Variants in ARHGAP28 observed in about 807,000 individuals in gnomAD.
ARHGAP28 encodes the protein Rho GTPase activating protein 28, also known as rho GTPase-activating protein 28.
In ARHGAP28, 56 loss-of-function variants were observed where a neutral mutation model predicts 90.7. The ratio of observed to expected loss-of-function variants is 0.62; its 90% CI spans 0.50 to 0.77. The LOEUF is 0.77. ARHGAP28 is among the 30% of genes least tolerant of loss of function. The pLI is 0.00. For missense variants in ARHGAP28, 869 were observed against 900.9 expected (o/e 0.96, Z 0.45); for synonymous variants, 308 against 323.3 (o/e 0.95, Z 0.51).
intron 1 of ARHGAP28, among the ~76,000 whole-genome samples, chr18:6,771,274 G>C (rs1232153593): frequency 1.3e-5 from 2 of 152,080 alleles, no homozygotes; most frequent in East Asian, 3.9e-4. Context: ...AAACTCTTGA[G>C]TTCAATTAAA....
At chr18:6,904,958 G>A (rs2057357431) in intron 16 of ARHGAP28, among the ~76,000 whole-genome samples, 1 of 152,074 alleles carries the variant, frequency 6.6e-6, no homozygotes, top group South Asian at 2.1e-4. Context: ...TCCAAGCCCA[G>A]ATGGTTTCAC....
intron 15 of ARHGAP28, among the ~76,000 whole-genome samples, chr18:6,895,780 G>T (rs1415418443): frequency 6.6e-6 from 1 of 152,134 alleles, no homozygotes; most frequent in Non-Finnish European, 1.5e-5. Context: ...ACGTTTCGAG[G>T]TATTGGGGGG....
chr18:6,747,966 A>G (rs2143232873), intron 1 of ARHGAP28, among the ~76,000 whole-genome samples: 1 of 152,330 alleles, frequency 6.6e-6, no homozygotes, highest in East Asian at 1.9e-4. Context: ...CACTAATGAA[A>G]CACTGGCTTG....
At chr18:6,868,966 C>G (rs1206185033) in intron 6 of ARHGAP28, among the ~76,000 whole-genome samples, 1 of 151,870 alleles carries the variant, frequency 6.6e-6, no homozygotes, top group Non-Finnish European at 1.5e-5. Flanking sequence ...CTCAATAAAG[C>G]TGATAAGAAA....
At chr18:6,848,633 A>G (rs1374992491) in intron 3 of ARHGAP28, among the ~76,000 whole-genome samples, 1 of 152,212 alleles carries the variant, frequency 6.6e-6, no homozygotes, top group Non-Finnish European at 1.5e-5. Flanking sequence ...ATGATTTTAC[A>G]TCGGCCAAAG....
At chr18:6,861,399 C>A (rs2056997413) in intron 5 of ARHGAP28, among the ~76,000 whole-genome samples, 1 of 152,200 alleles carries the variant, frequency 6.6e-6, no homozygotes, top group Non-Finnish European at 1.5e-5. Context: ...CAGACTTTAG[C>A]TTTATTCCCT....
intron 1 of ARHGAP28, among the ~76,000 whole-genome samples, chr18:6,748,241 T>C (rs1191459639): frequency 6.6e-6 from 1 of 152,214 alleles, no homozygotes; most frequent in East Asian, 1.9e-4. Flanking sequence ...AACGAACCAG[T>C]TACTGCATCA....
In ARHGAP28 at chr18:6,898,290, G is replaced by GT. The variant is rs956407510; in HGVS notation, c.2030+1672dup. On this transcript the variant is annotated intron_variant, in intron 16 of 17. Transcript: ENST00000383472. ...GGAAGGCATGCTGATGGCCTCAAACGTTTTTTTTCTCCTTTTGGTATTAGA... is the reference window on the plus strand; with the variant it reads ...GGAAGGCATGCTGATGGCCTCAAACGTTTTTTTTTCTCCTTTTGGTATTAGA... The GT allele has an allele frequency of 3.5e-4, 166 of 473,564 alleles. 1 individual carries two copies. The Middle Eastern group carries it at 6.8e-3, about 19-fold the overall frequency. 29.3% of individuals were successfully genotyped at this position (473,564 alleles called of 1,614,324 possible).
intron 1 of ARHGAP28, among the ~76,000 whole-genome samples, chr18:6,814,518 C>A (rs2056577473): frequency 1.3e-5 from 2 of 152,108 alleles, no homozygotes; most frequent in Non-Finnish European, 2.9e-5. Context: ...GTAATAATGG[C>A]AATAAATGGA....
intron 10 of ARHGAP28, among the ~76,000 whole-genome samples, chr18:6,881,224 GC>G (rs2057175617): frequency 6.6e-6 from 1 of 152,164 alleles, no homozygotes; most frequent in Admixed American, 6.5e-5. Flanking sequence ...ACTGACTCTG[GC>G]TGTGCGTGCT....
chr18:6,870,374 G>A (rs2057073902), intron 6 of ARHGAP28, among the ~76,000 whole-genome samples: 1 of 152,148 alleles, frequency 6.6e-6, no homozygotes, highest in South Asian at 2.1e-4. Flanking sequence ...GTTTGTTTGG[G>A]CAATGATGAT....
chr18:6,883,239 A>T (rs1600283708), intron 11 of ARHGAP28, among the ~76,000 whole-genome samples: 1 of 142,326 alleles, frequency 7.0e-6, no homozygotes, highest in East Asian at 2.1e-4. Context: ...TCAGGCACTA[A>T]TTTTTTTTTT....
chr18:6,903,234 T>C (rs2057346866), intron 16 of ARHGAP28, among the ~76,000 whole-genome samples: 1 of 152,192 alleles, frequency 6.6e-6, no homozygotes. Flanking sequence ...CTGGTTATGC[T>C]TGTACAACAT....
intron 16 of ARHGAP28, among the ~76,000 whole-genome samples, chr18:6,899,514 C>T (rs768819842): frequency 4.6e-5 from 7 of 152,060 alleles, no homozygotes; most frequent in Non-Finnish European, 8.8e-5. Context: ...GCAATATCTG[C>T]CCTACTCCAG....
chr18:6,863,091 C>G (rs2057010807), intron 5 of ARHGAP28, among the ~76,000 whole-genome samples: 1 of 151,878 alleles, frequency 6.6e-6, no homozygotes, highest in African/African-American at 2.4e-5. Flanking sequence ...ATTTTATTGA[C>G]TCAGTATGTA....
chr18:6,735,293 A>G (rs2055915727), intron 1 of ARHGAP28, among the ~76,000 whole-genome samples: 1 of 152,242 alleles, frequency 6.6e-6, no homozygotes, highest in South Asian at 2.1e-4. Flanking sequence ...AACTAAACAA[A>G]GTAAAACTGG....
intron 10 of ARHGAP28, among the ~76,000 whole-genome samples, chr18:6,878,539 C>T (rs1362234030): frequency 3.9e-5 from 6 of 152,096 alleles, no homozygotes; most frequent in African/African-American, 1.2e-4. Flanking sequence ...CAAAGTTTAA[C>T]GTCATAGCAG....
At chr18:6,882,055 A>G in intron 10 of ARHGAP28, 82 bp from the exon 11 acceptor site, 2 of 1,355,990 alleles carry the variant, frequency 1.5e-6, no homozygotes, top group Non-Finnish European at 2.0e-6. Context: ...AAAACAGTTT[A>G]TATAAGAACA....
chr18:6,759,612 T>G (rs986711018), intron 1 of ARHGAP28, among the ~76,000 whole-genome samples: 1 of 152,108 alleles, frequency 6.6e-6, no homozygotes, highest in Non-Finnish European at 1.5e-5. Flanking sequence ...ATTAAATGAG[T>G]GAAGAAATTG....
Sources: gnomAD v4.1 joint callset for allele counts (sites outside exome capture counted in the v4.1 genomes callset) on GRCh38, gnomAD v4.1.1 for gene constraint, MANE v1.5 for transcripts, NCBI Gene and HGNC (gene_info 2026-07-23, HGNC 2026-07-21) for gene names.